VRK1: variants seen among roughly 807,000 people sequenced by gnomAD.
VRK1 encodes VRK serine/threonine kinase 1.
In VRK1, 33 loss-of-function variants were observed where a neutral mutation model predicts 57.1. That is an observed-to-expected ratio of 0.58 (90% CI 0.44 to 0.77). VRK1 has a LOEUF of 0.77. Among genes scored for constraint, VRK1 ranks in the 30% least tolerant of loss-of-function variants. The pLI, the probability that VRK1 is intolerant of heterozygous loss-of-function variation, is 0.00. For missense variants in VRK1, 413 were observed against 477.3 expected (o/e 0.87, Z 1.25); for synonymous variants, 137 against 147.8 (o/e 0.93, Z 0.53).
At chr14:96,863,468 A>G (rs1888466243) in intron 11 of VRK1, among the ~76,000 whole-genome samples, 1 of 152,190 alleles carries the variant, frequency 6.6e-6, no homozygotes, top group Admixed American at 6.5e-5. Context: ...ATTTACTGGA[A>G]AGAGCTCAGC....
intron 1 of VRK1, among the ~76,000 whole-genome samples, chr14:96,800,199 C>G (rs1229473391): frequency 6.6e-6 from 1 of 152,054 alleles, no homozygotes; most frequent in South Asian, 2.1e-4. Context: ...TTTCTACTTG[C>G]CATTATAAAG....
intron 6 of VRK1, 54 bp from the exon 7 acceptor site, chr14:96,853,020 C>G (rs1233335527): frequency 6.2e-7 from 1 of 1,606,650 alleles, no homozygotes; most frequent in East Asian, 2.2e-5. Flanking sequence ...GCTTGGTCCT[C>G]TGCTGGCTGG....
At chr14:96,845,027 C>T (rs1307886982) in intron 3 of VRK1, among the ~76,000 whole-genome samples, 1 of 152,142 alleles carries the variant, frequency 6.6e-6, no homozygotes, top group Admixed American at 6.5e-5. Context: ...TAAGTTGTCA[C>T]TCATTTAAGG....
At chr14:96,856,883 G>A (rs746303338) in intron 10 of VRK1, among the ~76,000 whole-genome samples, 4 of 152,058 alleles carry the variant, frequency 2.6e-5, no homozygotes, top group Non-Finnish European at 2.9e-5. Context: ...CAGGAGAATC[G>A]CTTGAACCCG....
At chr14:96,846,671 C>CCACATCCT (rs1275214892) in intron 4 of VRK1, among the ~76,000 whole-genome samples, 1 of 151,208 alleles carries the variant, frequency 6.6e-6, no homozygotes, top group South Asian at 2.1e-4. Context: ...TTCTCAGATT[C>CCACATCCT]CACATCCTCA....
intron 12 of VRK1, among the ~76,000 whole-genome samples, chr14:96,880,521 A>C (rs913174445): frequency 1.3e-4 from 20 of 152,194 alleles, no homozygotes; most frequent in African/African-American, 4.6e-4. Flanking sequence ...TGTCTTGGTG[A>C]GGCAGAATTC....
intron 12 of VRK1, chr14:96,877,379 AT>A: frequency 1.8e-6 from 1 of 551,306 alleles, no homozygotes; most frequent in South Asian, 1.7e-5. Flanking sequence ...TGAAGAGGGA[AT>A]ATATAACTTC....
chr14:96,833,203 T>C (rs1887076268), intron 1 of VRK1, among the ~76,000 whole-genome samples: 1 of 152,190 alleles, frequency 6.6e-6, no homozygotes, highest in South Asian at 2.1e-4. Context: ...TTTTTAGTTG[T>C]AGTTGATCAT....
At chr14:96,868,265 G>T (rs1038188809) in intron 11 of VRK1, among the ~76,000 whole-genome samples, 8 of 152,026 alleles carry the variant, frequency 5.3e-5, no homozygotes. Context: ...TGAGGCTGTG[G>T]GTGGCATCCT....
At chr14:96,834,887 G>A (rs915870987) in intron 2 of VRK1, among the ~76,000 whole-genome samples, 4 of 152,124 alleles carry the variant, frequency 2.6e-5, no homozygotes, top group Admixed American at 6.6e-5. Flanking sequence ...TAGATAAGCT[G>A]TCTTTACTAC....
Position 96,881,416 on chromosome 14 carries a change from G to C in VRK1, c.*208G>C. On this transcript the variant is annotated 3_prime_UTR_variant, in exon 13 of 13. Transcript: ENST00000216639. ...ATTTATGAAATTTGAAAATCTTCAG[G>C]TTATACTCCTTAAGTTATCCCAAAG... The C allele has an allele frequency of 1.9e-6, 1 of 528,390 alleles. No individual in the cohort carries two copies. The highest frequency in any genetic ancestry group is 3.3e-6 in the Non-Finnish European group (1 of 303,554). 32.7% of individuals were successfully genotyped at this position (528,390 alleles called of 1,614,324 possible).
At chr14:96,806,664 G>A (rs949687227) in intron 1 of VRK1, among the ~76,000 whole-genome samples, 8 of 152,266 alleles carry the variant, frequency 5.3e-5, no homozygotes, top group Admixed American at 5.2e-4. Flanking sequence ...GTATACATGA[G>A]TCATTTGGTG....
chr14:96,809,572 T>TGC (rs1230949869), intron 1 of VRK1, among the ~76,000 whole-genome samples: 2 of 138,550 alleles, frequency 1.4e-5, no homozygotes, highest in African/African-American at 6.3e-5. Context: ...CTTGCTTTCT[T>TGC]TTTTTTTTTT....
intron 1 of VRK1, among the ~76,000 whole-genome samples, chr14:96,804,174 G>A (rs1004040757): frequency 2.0e-5 from 3 of 151,900 alleles, no homozygotes; most frequent in African/African-American, 7.3e-5. Context: ...ATCCTTTTTG[G>A]TTTCATTTTT....
At chr14:96,839,640 A>G (rs774897975) in intron 3 of VRK1, among the ~76,000 whole-genome samples, 1 of 151,992 alleles carries the variant, frequency 6.6e-6, no homozygotes, top group Non-Finnish European at 1.5e-5. Flanking sequence ...CCATTCATGT[A>G]TTTTCCTTTG....
intron 1 of VRK1, among the ~76,000 whole-genome samples, chr14:96,822,365 G>A (rs574987116): frequency 6.6e-6 from 1 of 152,164 alleles, no homozygotes; most frequent in Non-Finnish European, 1.5e-5. Flanking sequence ...TTTAAGAGGG[G>A]TGTAGCATGG....
intron 5 of VRK1, among the ~76,000 whole-genome samples, chr14:96,850,942 T>C (rs1449917456): frequency 6.6e-6 from 1 of 152,180 alleles, no homozygotes; most frequent in Non-Finnish European, 1.5e-5. Flanking sequence ...TTTGAGATGC[T>C]CATCCTATGT....
At chr14:96,821,641 T>G (rs1243182719) in intron 1 of VRK1, among the ~76,000 whole-genome samples, 1 of 152,234 alleles carries the variant, frequency 6.6e-6, no homozygotes, top group Non-Finnish European at 1.5e-5. Flanking sequence ...CAGTCTATTC[T>G]TGATGCGTCA....
At chr14:96,881,054 A>C in intron 12 of VRK1, 123 bp from the exon 13 acceptor site, 1 of 888,254 alleles carries the variant, frequency 1.1e-6, no homozygotes, top group Non-Finnish European at 1.7e-6. Flanking sequence ...TATCTTTGCA[A>C]ATCACGAGAG....
Sources: gnomAD v4.1 joint callset for allele counts (sites outside exome capture counted in the v4.1 genomes callset) on GRCh38, gnomAD v4.1.1 for gene constraint, MANE v1.5 for transcripts, NCBI Gene and HGNC (gene_info 2026-07-23, HGNC 2026-07-21) for gene names.